FAM117A: variants seen among roughly 807,000 people sequenced by gnomAD.
FAM117A encodes the protein protein FAM117A.
In FAM117A, 21 loss-of-function variants were observed where a neutral mutation model predicts 44.1. The ratio of observed to expected loss-of-function variants is 0.48; its 90% CI spans 0.34 to 0.69. The LOEUF is 0.69. Ranked by LOEUF, FAM117A falls within the 30% of genes least tolerant of loss-of-function variation. The pLI, the probability that FAM117A is intolerant of heterozygous loss-of-function variation, is 0.01. For synonymous variants in FAM117A, 220 were observed against 238.3 expected, an observed-to-expected ratio of 0.92 and a Z score of 0.71; for missense variants, 498 against 589.9, an observed-to-expected ratio of 0.84 and a Z score of 1.61.
chr17:49,769,758 C>T (rs2073755639), intron 1 of FAM117A, among the ~76,000 whole-genome samples: 1 of 151,948 alleles, frequency 6.6e-6, no homozygotes, highest in African/African-American at 2.4e-5. Flanking sequence ...GAATATTGGA[C>T]TTAATGGTAC....
At position 49,732,565 on chromosome 17, in the gene FAM117A, C is replaced by T. The variant is rs2073590297; in HGVS notation, c.352G>A (p.Asp118Asn). 5.6e-6 allele frequency: 9 copies of T among 1,614,118 alleles called. No individual in the cohort carries two copies. The highest frequency in any genetic ancestry group is 5.1e-6 in the Non-Finnish European group (6 of 1,180,012). Residue 118 changes from aspartate to asparagine, a missense_variant, in exon 2 of 8, where the codon GAC becomes AAC. Coordinates refer to ENST00000240364, the MANE Select transcript of FAM117A (RefSeq NM_030802.4). Reference protein sequence around the residue: ...ADGAFTCCTNDKATQTPLSWQ... With the variant: ...ADGAFTCCTNNKATQTPLSWQ... ...AGCTTCATTACCTGGGTGGCCTTGT[C>T]ATTGGTGCAGCAGGTGAAGGCCCCA... is the stretch of plus-strand genomic sequence containing the variant.
At chr17:49,724,441 C>T (rs1486798219) in intron 2 of FAM117A, 2 of 456,274 alleles carry the variant, frequency 4.4e-6, no homozygotes, top group South Asian at 1.5e-5. Context: ...CAGGCCGCCA[C>T]GGGTACTACT....
At chr17:49,736,143 G>A (rs931566765) in intron 1 of FAM117A, among the ~76,000 whole-genome samples, 1 of 151,842 alleles carries the variant, frequency 6.6e-6, no homozygotes, top group African/African-American at 2.4e-5. Context: ...TGTACGTATT[G>A]TTTTGTTATG....
intron 1 of FAM117A, among the ~76,000 whole-genome samples, chr17:49,735,064 T>G (rs1373326587): frequency 6.6e-6 from 1 of 152,084 alleles, no homozygotes; most frequent in Non-Finnish European, 1.5e-5. Flanking sequence ...TTTGAGATGA[T>G]GAAATTCAGG....
In FAM117A at chr17:49,788,023, A is replaced by G. The variant is rs908990788; in HGVS notation, c.-621+474T>C. Among the ~76,000 whole-genome samples, 4 of 152,152 alleles carry G rather than the reference A, an allele frequency of 2.6e-5. No individual in the cohort carries two copies. The South Asian group carries it at 6.2e-4, about 24-fold the overall frequency. The stretch of plus-strand genomic sequence containing the variant: ...AACACAGTGCGGTTAGGAAGTGGGC[A>G]CTCGCCACAGAGCTAAATTGGGAAT... On this transcript the variant is annotated intron_variant, in intron 1 of 7. Transcript: ENST00000513602.
chr17:49,752,301 A>T (rs1185037211), intron 1 of FAM117A, among the ~76,000 whole-genome samples: 1 of 152,068 alleles, frequency 6.6e-6, no homozygotes. Flanking sequence ...CAATGACTCC[A>T]CTTTCAGTTA....
intron 1 of FAM117A, among the ~76,000 whole-genome samples, chr17:49,786,732 G>C (rs533652772): frequency 6.7e-6 from 1 of 149,122 alleles, no homozygotes; most frequent in Non-Finnish European, 1.5e-5. Context: ...AGCCGAGCTC[G>C]TGCCATTGCC....
chr17:49,782,171 C>T (rs529627021), intron 1 of FAM117A, among the ~76,000 whole-genome samples: 4 of 151,422 alleles, frequency 2.6e-5, no homozygotes, highest in Middle Eastern at 3.4e-3. Context: ...GTCAGGAGAT[C>T]GAGACCATCC....
chr17:49,784,785 T>G (rs1011622826), intron 1 of FAM117A, among the ~76,000 whole-genome samples: 8 of 152,210 alleles, frequency 5.3e-5, no homozygotes, highest in African/African-American at 1.9e-4. Flanking sequence ...TACTCTACAG[T>G]GTTTTGTAAG....
intron 7 of FAM117A, among the ~76,000 whole-genome samples, chr17:49,712,936 G>A (rs1198075079): frequency 2.0e-5 from 3 of 152,128 alleles, no homozygotes; most frequent in Admixed American, 2.0e-4. Flanking sequence ...GAATACAGTG[G>A]TGTGATCATA....
At chr17:49,750,642 TG>T (rs2073672793) in intron 1 of FAM117A, among the ~76,000 whole-genome samples, 1 of 151,974 alleles carries the variant, frequency 6.6e-6, no homozygotes, top group African/African-American at 2.4e-5. Flanking sequence ...CCCGGCATGG[TG>T]GCAGGCACCT....
intron 1 of FAM117A, among the ~76,000 whole-genome samples, chr17:49,763,123 T>TACACACACAC (rs10603200): frequency 1.8e-4 from 26 of 141,170 alleles, no homozygotes; most frequent in East Asian, 4.3e-4. Context: ...TCCCCCCCGC[T>TACACACACAC]ACACACACAC....
chr17:49,764,509 A>T (rs1318552638), upstream of FAM117A, among the ~76,000 whole-genome samples: 1 of 152,168 alleles, frequency 6.6e-6, no homozygotes, highest in Non-Finnish European at 1.5e-5. Context: ...CGCTGGGTGT[A>T]GGTTGGAGTC....
At chr17:49,747,904 T>G (rs763298464) in intron 1 of FAM117A, among the ~76,000 whole-genome samples, 7 of 152,224 alleles carry the variant, frequency 4.6e-5, no homozygotes, top group African/African-American at 7.2e-5. Context: ...TCAAAGGTTA[T>G]GTAGTGCCTC....
chr17:49,768,569 T>C (rs1418167897), upstream of FAM117A, among the ~76,000 whole-genome samples: 1 of 152,120 alleles, frequency 6.6e-6, no homozygotes, highest in South Asian at 2.1e-4. Flanking sequence ...CTTTCCGACC[T>C]ACCTCCTTTA....
intron 1 of FAM117A, among the ~76,000 whole-genome samples, chr17:49,737,419 G>C (rs1045707456): frequency 2.0e-5 from 3 of 152,182 alleles, no homozygotes; most frequent in South Asian, 2.1e-4. Flanking sequence ...TTACATGACA[G>C]ATAACCAAAG....
At chr17:49,726,978 CAAAA>C (rs1208083401) in intron 2 of FAM117A, among the ~76,000 whole-genome samples, 1 of 139,152 alleles carries the variant, frequency 7.2e-6, no homozygotes, top group Non-Finnish European at 1.6e-5. Flanking sequence ...GACCCTGTCT[CAAAA>C]AAAAAAGGAA....
intron 4 of FAM117A, 45 bp from the exon 5 acceptor site, chr17:49,719,939 C>G: frequency 1.3e-6 from 2 of 1,572,322 alleles, no homozygotes; most frequent in Non-Finnish European, 1.7e-6. Flanking sequence ...CCCCACCAGG[C>G]CTAGACAGTC....
intron 1 of FAM117A, among the ~76,000 whole-genome samples, chr17:49,771,950 C>A (rs188115340): frequency 2.2e-4 from 33 of 152,274 alleles, no homozygotes; most frequent in African/African-American, 7.0e-4. Context: ...ATTCTACATC[C>A]ACTCCCACTC....
Sources: allele counts gnomAD v4.1 joint callset (sites outside exome capture counted in the v4.1 genomes callset), GRCh38; gene constraint gnomAD v4.1.1; transcripts MANE v1.5; gene names NCBI Gene and HGNC (gene_info 2026-07-23, HGNC 2026-07-21).